Variants in PIEZO1 observed in about 807,000 individuals in gnomAD.
The protein encoded by PIEZO1 is piezo-type mechanosensitive ion channel component 1.
In PIEZO1, 296 loss-of-function variants were observed where a neutral mutation model predicts 297.2. The ratio of observed to expected loss-of-function variants is 1.00; its 90% CI spans 0.91 to 1.10. The LOEUF is 1.10. Ranked by LOEUF, PIEZO1 falls within the 50% of genes least tolerant of loss-of-function variation. The probability of loss-of-function intolerance (pLI) is 0.00; values close to 1 mark genes in which losing one functional copy is unlikely to be tolerated. For synonymous variants in PIEZO1, 2,427 were observed against 1,507.5 expected (o/e 1.61, Z -14.13); for missense variants, 5,018 against 3,455.5 (o/e 1.45, Z -11.34).
At chr16:88,744,675 G>T (rs1041765639) in intron 2 of PIEZO1, among the ~76,000 whole-genome samples, 1 of 151,366 alleles carries the variant, frequency 6.6e-6, no homozygotes, top group Non-Finnish European at 1.5e-5. Flanking sequence ...CCTCCTTCCC[G>T]GTTCAGTTCT....
chr16:88,769,628 G>C (rs1270510833), intron 1 of PIEZO1, among the ~76,000 whole-genome samples: 1 of 152,222 alleles, frequency 6.6e-6, no homozygotes. Context: ...GCCAAGCCTG[G>C]GGACCTGCAG....
chr16:88,717,703 C>G (rs1912150650), intron 44 of PIEZO1: 1 of 439,262 alleles, frequency 2.3e-6, no homozygotes, highest in African/African-American at 2.0e-5. Context: ...ATTTAAGAGA[C>G]AGTCCATAGA....
Position 88,727,235 on chromosome 16 carries a change from C to T in PIEZO1, c.3302-43G>A, listed in dbSNP as rs565369090. On this transcript the variant is annotated intron_variant, in intron 23 of 50. Transcript: ENST00000301015. ...CGCCGCTGTGCCACACGGGGACCCACACGAGGTGGGCACGGCGCATAAATC... is the reference window on the plus strand; with the variant it reads ...CGCCGCTGTGCCACACGGGGACCCATACGAGGTGGGCACGGCGCATAAATC... 181 of 1,492,930 alleles carry T rather than the reference C, an allele frequency of 1.2e-4. 1 individual carries two copies. In the South Asian group the frequency reaches 2.2e-3, roughly 18 times the overall value. 92.5% of individuals were successfully genotyped at this position (1,492,930 alleles called of 1,614,324 possible).
At chr16:88,724,531 C>CA (rs374217979) in intron 30 of PIEZO1, among the ~76,000 whole-genome samples, 18,113 of 99,242 alleles carry the variant, frequency 0.18, 1,382 homozygotes, top group Middle Eastern at 0.28. Flanking sequence ...ACACCGTCTC[C>CA]AAAAAAAAAA....
intron 1 of PIEZO1, among the ~76,000 whole-genome samples, chr16:88,753,104 G>A (rs951157979): frequency 6.8e-5 from 2 of 29,434 alleles, no homozygotes; most frequent in East Asian, 1.2e-3. Flanking sequence ...CACACCCACC[G>A]CCCCCCAGAG....
chr16:88,718,417 C>T (rs1016902927), intron 44 of PIEZO1: 7 of 152,366 alleles, frequency 4.6e-5, no homozygotes, highest in Non-Finnish European at 7.3e-5. Context: ...TGTACACCGG[C>T]GTGCCTGGCA....
chr16:88,738,463 G>A (rs1189272388), intron 6 of PIEZO1, 23 bp from the exon 7 acceptor site: 2 of 1,532,700 alleles, frequency 1.3e-6, no homozygotes, highest in African/African-American at 1.4e-5. Flanking sequence ...GGCACACAGG[G>A]TGGTACCTGG....
chr16:88,720,924 G>A (rs983900287), intron 39 of PIEZO1, among the ~76,000 whole-genome samples, 176 bp from the exon 40 acceptor site: 1 of 152,168 alleles, frequency 6.6e-6, no homozygotes, highest in Non-Finnish European at 1.5e-5. Context: ...TCTGTCTGGG[G>A]CAACTGTGAG....
At chr16:88,715,877 C>T (rs745455745) in intron 50 of PIEZO1, 23 bp from the exon 51 acceptor site, 35 of 1,547,438 alleles carry the variant, frequency 2.3e-5, no homozygotes, top group Non-Finnish European at 3.0e-5. Context: ...CTGGTGAGTC[C>T]TGGGGCCGCC....
At chr16:88,780,311 C>T (rs1484355067) in intron 1 of PIEZO1, among the ~76,000 whole-genome samples, 2 of 152,178 alleles carry the variant, frequency 1.3e-5, no homozygotes, top group Admixed American at 6.5e-5. Flanking sequence ...ATAGGCTCAA[C>T]AGCCGCACCC....
In PIEZO1 at chr16:88,715,501, G is replaced by A; in HGVS notation, c.*104C>T. On this transcript the variant is annotated 3_prime_UTR_variant, in exon 51 of 51. Coordinates refer to ENST00000301015, the MANE Select transcript of PIEZO1 (RefSeq NM_001142864.4). ...CCGGGAGGATGCATCACAGCTGGCG[G>A]CCTTGGACGGGGCAGTGGCTCCCCC... is the stretch of plus-strand genomic sequence containing the variant. 8.2e-7 allele frequency: 1 copy of A among 1,220,728 alleles called. No homozygotes were observed. Among genetic ancestry groups the A allele is most frequent in the Non-Finnish European group, 1.1e-6 (1 of 877,102 alleles). 75.6% of individuals were successfully genotyped at this position (1,220,728 alleles called of 1,614,324 possible).
chr16:88,715,702 G>C lies in PIEZO1; in HGVS notation c.7469C>G (p.Thr2490Ser). Residue 2490 changes from threonine (T) to serine (S), a missense_variant, in exon 51 of 51, where the codon ACT becomes AGT. Physicochemically the swap from Thr to Ser is moderately conservative, Grantham distance 58. Transcript: ENST00000301015. ...CTCCTCCTCCAGCTCCAGCTCCCGA[G>C]TCTCCCGCACCAGGAAGATGTCCTG... is the stretch of plus-strand genomic sequence containing the variant. ...LCQDIFLVRETRELELEEELY... is the reference protein window; with the variant it reads ...LCQDIFLVRESRELELEEELY... The C allele has an allele frequency of 6.5e-7, 1 of 1,549,966 alleles. No individual in the cohort carries two copies. Among genetic ancestry groups the C allele is most frequent in the Middle Eastern group, 1.7e-4 (1 of 5,992 alleles).
At chr16:88,731,962 G>GCGGGGCGTGGGGATGC (rs1567670088) in intron 21 of PIEZO1, 52 bp from the exon 22 acceptor site, 10 of 119,924 alleles carry the variant, frequency 8.3e-5, no homozygotes, top group East Asian at 4.4e-4. Context: ...TGGGGGGAGG[G>GCGGGGCGTGGGGATGC]ACTTTCTTGT....
chr16:88,719,485 C>T (rs1912272698), intron 44 of PIEZO1, 89 bp downstream of exon 44: 1 of 1,316,562 alleles, frequency 7.6e-7, no homozygotes, highest in African/African-American at 1.5e-5. Flanking sequence ...GCCTCCAGCA[C>T]CACGGGTTCT....
chr16:88,773,345 G>A (rs979862301), intron 1 of PIEZO1, among the ~76,000 whole-genome samples: 6 of 152,270 alleles, frequency 3.9e-5, no homozygotes, highest in African/African-American at 9.6e-5. Context: ...CCCACCTGGC[G>A]TGGGGGCCAG....
At chr16:88,720,577 A>ACC in intron 40 of PIEZO1, 39 bp downstream of exon 40, 1 of 790,644 alleles carries the variant, frequency 1.3e-6, no homozygotes, top group Non-Finnish European at 1.9e-6. Flanking sequence ...CCGCCTCCCC[A>ACC]CCCCCACTCC....
At chr16:88,769,923 T>G (rs1907346029) in intron 1 of PIEZO1, among the ~76,000 whole-genome samples, 2 of 151,902 alleles carry the variant, frequency 1.3e-5, no homozygotes, top group South Asian at 4.2e-4. Flanking sequence ...CCCTAGGGGG[T>G]CACACCCCTT....
intron 1 of PIEZO1, among the ~76,000 whole-genome samples, chr16:88,777,352 C>T (rs1198877772): frequency 1.3e-5 from 2 of 152,262 alleles, no homozygotes; most frequent in Admixed American, 6.5e-5. Flanking sequence ...CAGGGCAGAG[C>T]CTTACAGGCC....
At chr16:88,760,021 C>A (rs911572994) in intron 1 of PIEZO1, among the ~76,000 whole-genome samples, 2 of 152,206 alleles carry the variant, frequency 1.3e-5, no homozygotes, top group Non-Finnish European at 1.5e-5. Context: ...TCCTTCTCCG[C>A]GCCAATCCCC....
Sources: allele counts gnomAD v4.1 joint callset (sites outside exome capture counted in the v4.1 genomes callset), GRCh38; gene constraint gnomAD v4.1.1; transcripts MANE v1.5; gene names NCBI Gene and HGNC (gene_info 2026-07-23, HGNC 2026-07-21).